Variants in PGAP4 observed in about 807,000 individuals in gnomAD.
PGAP4 encodes GPI-N-acetylgalactosamine transferase PGAP4.
A neutral mutation model predicts 28.2 loss-of-function variants in PGAP4; 12 were observed. The observed-to-expected ratio is 0.42, with a 90% CI of 0.27 to 0.69. The LOEUF is 0.69. Ranked by LOEUF, PGAP4 falls within the 30% of genes least tolerant of loss-of-function variation. PGAP4 has a pLI of 0.22. For synonymous variants in PGAP4, 205 were observed against 211.8 expected, an observed-to-expected ratio of 0.97 and a Z score of 0.28; for missense variants, 425 against 513.5, an observed-to-expected ratio of 0.83 and a Z score of 1.67.
chr9:101,517,634 T>C lies in PGAP4; in HGVS notation c.-165+13714A>G, dbSNP rs35392731. On this transcript the variant is annotated intron_variant, in intron 2 of 3. Coordinates refer to the PGAP4 transcript ENST00000374851. Reference sequence around the variant, plus strand: ...ACATGTGATTCAAGATGATGGTTGTTGGGTTGGGGGAGGCAATGAGTAGGA... The same window carrying C: ...ACATGTGATTCAAGATGATGGTTGTCGGGTTGGGGGAGGCAATGAGTAGGA... Among the ~76,000 whole-genome samples, 1,259 of 152,164 alleles carry C rather than the reference T, an allele frequency of 8.3e-3. 8 individuals carry two copies. The highest frequency in any genetic ancestry group is 0.011 in the Non-Finnish European group (731 of 68,000).
chr9:101,476,554 G>C lies in PGAP4; in HGVS notation c.539C>G (p.Ser180Trp), dbSNP rs779324502. 6.2e-7 allele frequency: 1 copy of C among 1,614,156 alleles called. No individual in the cohort carries two copies. The highest frequency in any genetic ancestry group is 1.1e-5 in the South Asian group (1 of 91,082). The change falls in exon 2 of 2, where the codon TCG becomes TGG. Residue 180 changes from serine (S) to tryptophan (W), a missense_variant. Physicochemically the swap from Ser to Trp is radical, Grantham distance 177 (BLOSUM62 -3). Transcript: ENST00000374848. This position sits in a 1 kb window ranked among gnomAD's most constrained non-coding sequence, Gnocchi z 7.0. ...CTTCTCTTTCTCAAACGAGTTGGTC[G>C]AAGGGTCATCACCATAATCATCCTC... ...GTEDDYGDDP[S>W]TNSFEKEKQD...
At chr9:101,520,899 C>CTGA (rs1826983800) in intron 2 of PGAP4, among the ~76,000 whole-genome samples, 1 of 146,648 alleles carries the variant, frequency 6.8e-6, no homozygotes, top group African/African-American at 2.4e-5. Context: ...CCCTTGTGTG[C>CTGA]TGATTTTGCT....
At chr9:101,509,434 G>T (rs62575817) in intron 2 of PGAP4, among the ~76,000 whole-genome samples, 66 of 152,212 alleles carry the variant, frequency 4.3e-4, no homozygotes, top group African/African-American at 1.5e-3. Flanking sequence ...AGCAAGTTTT[G>T]TGACCCATAC....
rs145060662 is a variant in PGAP4 at position 101,516,225 on chromosome 9, C to T, written c.-165+15123G>A. On this transcript the variant is annotated intron_variant, in intron 2 of 3. Coordinates refer to the PGAP4 transcript ENST00000374851. Reference sequence around the variant, plus strand: ...GATTCTTTCTTTTTTTGCCTAAATTCGTGATGATATTCCCTTCCAAAAAAA... The same window carrying T: ...GATTCTTTCTTTTTTTGCCTAAATTTGTGATGATATTCCCTTCCAAAAAAA... Among the ~76,000 whole-genome samples the T allele has an allele frequency of 2.3e-3, 352 of 152,116 alleles. 3 individuals are homozygous for T. The highest frequency in any genetic ancestry group is 8.0e-3 in the African/African-American group (332 of 41,522).
chr9:101,523,797 G>T (rs1337096233), intron 2 of PGAP4, among the ~76,000 whole-genome samples: 1 of 151,674 alleles, frequency 6.6e-6, no homozygotes, highest in Non-Finnish European at 1.5e-5. Flanking sequence ...TTTTTTGGGG[G>T]TGTTGAAGAG....
chr9:101,485,388 T>C (rs938014691), intron 1 of PGAP4, among the ~76,000 whole-genome samples: 10 of 152,030 alleles, frequency 6.6e-5, no homozygotes, highest in Non-Finnish European at 7.4e-5. Context: ...AAATAAAAAA[T>C]TGACCAAAGT....
At chr9:101,488,248 GC>G (rs1281818090), upstream of PGAP4, among the ~76,000 whole-genome samples, 1 of 152,198 alleles carries the variant, frequency 6.6e-6, no homozygotes, top group Non-Finnish European at 1.5e-5. Flanking sequence ...CATTAGGAAT[GC>G]TGGAAAACCT....
Position 101,507,088 on chromosome 9 carries a change from A to T in PGAP4, c.-164-17888T>A, listed in dbSNP as rs547122244. ...TATCTGTTTGCTTTCACCTGGAATA[A>T]TCAATAATATACCTGGATAATCATG... On this transcript the variant is annotated intron_variant, in intron 2 of 3. Transcript: ENST00000374851. 3.9e-5 allele frequency among the ~76,000 whole-genome samples: 6 copies of T among 152,186 alleles called. No individual in the cohort carries two copies. In the East Asian group the frequency reaches 9.7e-4, roughly 25 times the overall value.
chr9:101,498,010 T>C (rs1009568348), intron 2 of PGAP4, among the ~76,000 whole-genome samples: 33 of 151,988 alleles, frequency 2.2e-4, no homozygotes, highest in Non-Finnish European at 4.6e-4. Context: ...TTTGACAAAA[T>C]TGGAACCTGT....
intron 2 of PGAP4, among the ~76,000 whole-genome samples, chr9:101,517,560 C>T (rs1252455188): frequency 6.6e-6 from 1 of 152,036 alleles, no homozygotes; most frequent in African/African-American, 2.4e-5. Flanking sequence ...TAGAGGGGTA[C>T]ATCTAGATAC....
upstream of PGAP4, chr9:101,487,336 TAGAG>T (rs914370881): frequency 7.0e-4 from 106 of 152,370 alleles, no homozygotes; most frequent in African/African-American, 2.4e-3. Flanking sequence ...GGTGTGTACA[TAGAG>T]ACTTATTCAC....
intron 2 of PGAP4, among the ~76,000 whole-genome samples, chr9:101,494,762 T>A (rs73657953): frequency 0.042 from 6,333 of 151,800 alleles, 179 homozygotes; most frequent in Admixed American, 0.079. Flanking sequence ...GGACTCAGAA[T>A]AGCCATGGTC....
At chr9:101,485,425 C>T (rs2118553850) in intron 1 of PGAP4, among the ~76,000 whole-genome samples, 1 of 152,182 alleles carries the variant, frequency 6.6e-6, no homozygotes, top group Admixed American at 6.5e-5. Context: ...GGAATTAGAA[C>T]TAGTAAAAAT....
chr9:101,498,267 A>G (rs1450814877), intron 2 of PGAP4, among the ~76,000 whole-genome samples: 3 of 151,940 alleles, frequency 2.0e-5, no homozygotes, highest in African/African-American at 7.2e-5. Flanking sequence ...GCAAATTAGT[A>G]AAACAAGTCT....
intron 2 of PGAP4, among the ~76,000 whole-genome samples, chr9:101,504,057 G>A (rs1299410234): frequency 6.6e-6 from 1 of 151,834 alleles, no homozygotes; most frequent in Non-Finnish European, 1.5e-5. Context: ...TAAAAAAGTG[G>A]GAGATTCACA....
intron 1 of PGAP4, among the ~76,000 whole-genome samples, chr9:101,483,153 T>C (rs1443006703): frequency 1.3e-5 from 2 of 152,216 alleles, no homozygotes; most frequent in Non-Finnish European, 2.9e-5. Flanking sequence ...TTATCTTTGG[T>C]ATCCCTCACA....
At chr9:101,514,705 G>A (rs558143990) in intron 2 of PGAP4, among the ~76,000 whole-genome samples, 2 of 152,196 alleles carry the variant, frequency 1.3e-5, no homozygotes, top group South Asian at 4.1e-4. Context: ...GGGGCAGAGT[G>A]TAAGAAAAGA....
chr9:101,513,538 C>T (rs2118614103), intron 2 of PGAP4, among the ~76,000 whole-genome samples: 1 of 152,198 alleles, frequency 6.6e-6, no homozygotes, highest in Middle Eastern at 3.4e-3. Context: ...TGCTAAGTGC[C>T]CTGTTGTAGC....
rs115148684 is a variant in PGAP4 at position 101,477,121 on chromosome 9, C to T, written c.-29G>A. On this transcript the variant is annotated 5_prime_UTR_variant, in exon 2 of 2. It introduces an in-frame stop codon into an upstream open reading frame of the 5' UTR. Coordinates refer to ENST00000374848, the MANE Select transcript of PGAP4 (RefSeq NM_032342.3). ...GTCAACTTTTGTTCATGTCTGGTCCCAAGAAAAAACCATCCTGGAACTCAG... is the reference window on the plus strand; with the variant it reads ...GTCAACTTTTGTTCATGTCTGGTCCTAAGAAAAAACCATCCTGGAACTCAG... The T allele has an allele frequency of 1.5e-3, 2,281 of 1,520,830 alleles. 46 individuals are homozygous for T. The African/African-American group carries it at 0.029, about 19-fold the overall frequency. 94.2% of individuals were successfully genotyped at this position (1,520,830 alleles called of 1,614,324 possible).
Sources: allele counts gnomAD v4.1 joint callset (sites outside exome capture counted in the v4.1 genomes callset), GRCh38; gene constraint gnomAD v4.1.1; non-coding constraint Gnocchi (gnomAD v3.1); transcripts MANE v1.5; gene names NCBI Gene and HGNC (gene_info 2026-07-23, HGNC 2026-07-21).